FAM81A: variants seen among roughly 807,000 people sequenced by gnomAD.
FAM81A encodes the protein protein FAM81A.
Under a neutral mutation model 46.7 loss-of-function variants are expected in FAM81A, and 19 were observed. The ratio of observed to expected loss-of-function variants is 0.41; its 90% CI spans 0.28 to 0.60. The LOEUF (loss-of-function observed/expected upper bound fraction) is 0.60. FAM81A is among the 20% of genes least tolerant of loss of function. The probability of loss-of-function intolerance (pLI) is 0.34; values close to 1 mark genes in which losing one functional copy is unlikely to be tolerated. For synonymous variants in FAM81A, 183 were observed against 152.9 expected (o/e 1.20, Z -1.45); for missense variants, 377 against 453.5 (o/e 0.83, Z 1.53).
chr15:59,409,909 TACAGAAATTATTATTAAGGC>T (rs1430169770), intron 2 of FAM81A, among the ~76,000 whole-genome samples: 4 of 152,164 alleles, frequency 2.6e-5, no homozygotes, highest in Admixed American at 6.6e-5. Context: ...GTATTATTAG[TACAGAAATTATTATTAAGGC>T]ACAGAAATTA....
upstream of FAM81A, among the ~76,000 whole-genome samples, chr15:59,437,320 T>C (rs1323622814): frequency 6.6e-6 from 1 of 151,806 alleles, no homozygotes; most frequent in Non-Finnish European, 1.5e-5. Context: ...TACCAGTATC[T>C]GCGAAGGAGG....
At chr15:59,468,783 C>T (rs1334593093) in intron 3 of FAM81A, among the ~76,000 whole-genome samples, 2 of 152,118 alleles carry the variant, frequency 1.3e-5, no homozygotes, top group African/African-American at 4.8e-5. Flanking sequence ...TCTTGCTTCT[C>T]TAGTTCTTTT....
At chr15:59,515,047 C>T (rs1198971817) in intron 7 of FAM81A, among the ~76,000 whole-genome samples, 1 of 152,014 alleles carries the variant, frequency 6.6e-6, no homozygotes, top group African/African-American at 2.4e-5. Flanking sequence ...GAGTTCGAGA[C>T]CAGCCTGGGA....
At chr15:59,474,154 A>G (rs1184884101) in intron 3 of FAM81A, among the ~76,000 whole-genome samples, 5 of 152,176 alleles carry the variant, frequency 3.3e-5, no homozygotes, top group African/African-American at 1.2e-4. Flanking sequence ...ATTGAATAGG[A>G]CTAACATTGT....
chr15:59,430,743 T>C (rs1310708727), intron 2 of FAM81A, among the ~76,000 whole-genome samples: 1 of 152,198 alleles, frequency 6.6e-6, no homozygotes, highest in Non-Finnish European at 1.5e-5. Context: ...AGGAGCTGCA[T>C]GTACATTTGA....
intron 2 of FAM81A, among the ~76,000 whole-genome samples, chr15:59,418,916 G>C (rs1333731354): frequency 2.0e-5 from 3 of 152,286 alleles, no homozygotes; most frequent in Middle Eastern, 3.4e-3. Flanking sequence ...ATGATGACCA[G>C]TGTTAATATT....
intron 3 of FAM81A, among the ~76,000 whole-genome samples, chr15:59,477,119 C>CAA (rs75168770): frequency 4.7e-5 from 5 of 106,892 alleles, no homozygotes; most frequent in Non-Finnish European, 7.8e-5. Context: ...GACTCTGACT[C>CAA]AAAAAAAAAA....
chr15:59,474,279 A>G lies in FAM81A; in HGVS notation c.294+14073A>G, dbSNP rs1012130110. On this transcript the variant is annotated intron_variant, in intron 3 of 8. Transcript: ENST00000288228. ...GCTGTCATAGTATATTTGTGTTGCT[A>G]TAACAAAATACCTGAGATTGGGTAA... is the stretch of plus-strand genomic sequence containing the variant. Among the ~76,000 whole-genome samples, 8 of 152,216 alleles carry G rather than the reference A, an allele frequency of 5.3e-5. No individual in the cohort carries two copies. In the East Asian group the frequency reaches 5.8e-4, roughly 11 times the overall value.
At chr15:59,474,718 G>T (rs916346944) in intron 3 of FAM81A, among the ~76,000 whole-genome samples, 1 of 152,210 alleles carries the variant, frequency 6.6e-6, no homozygotes, top group Admixed American at 6.5e-5. Context: ...AAAAGGACTA[G>T]AAGAGACTAT....
chr15:59,417,732 TAAATAA>T (rs1348253614), intron 2 of FAM81A, among the ~76,000 whole-genome samples: 2 of 151,996 alleles, frequency 1.3e-5, no homozygotes, highest in Admixed American at 6.6e-5. Context: ...AATACATAAA[TAAATAA>T]AAATAAAAAG....
chr15:59,427,372 A>C (rs1462820383), intron 2 of FAM81A, among the ~76,000 whole-genome samples: 1 of 152,104 alleles, frequency 6.6e-6, no homozygotes, highest in Non-Finnish European at 1.5e-5. Flanking sequence ...CAGCCTCCCA[A>C]AGTGCTGGGA....
At chr15:59,463,690 CAATAAT>C in intron 3 of FAM81A, among the ~76,000 whole-genome samples, 1 of 151,340 alleles carries the variant, frequency 6.6e-6, no homozygotes, top group Admixed American at 6.6e-5. Context: ...CTAAAAATAA[CAATAAT>C]AATAATAATA....
At chr15:59,502,976 G>A (rs1451496126) in intron 4 of FAM81A, among the ~76,000 whole-genome samples, 1 of 151,960 alleles carries the variant, frequency 6.6e-6, no homozygotes, top group Non-Finnish European at 1.5e-5. Flanking sequence ...ATGAAGCCTG[G>A]CCAGGAGTGG....
chr15:59,512,171 T>C (rs1446955091), intron 6 of FAM81A, among the ~76,000 whole-genome samples: 1 of 152,066 alleles, frequency 6.6e-6, no homozygotes, highest in East Asian at 1.9e-4. Context: ...GTTCCATTTG[T>C]ATAAAATTTA....
chr15:59,469,541 T>G (rs1193338467), intron 3 of FAM81A, among the ~76,000 whole-genome samples: 6 of 150,774 alleles, frequency 4.0e-5, no homozygotes, highest in Non-Finnish European at 8.9e-5. Context: ...ACCCCTGCTT[T>G]TTTTTTTTTT....
chr15:59,497,874 T>A (rs547003440), intron 4 of FAM81A, among the ~76,000 whole-genome samples: 2 of 152,328 alleles, frequency 1.3e-5, no homozygotes, highest in African/African-American at 4.8e-5. Context: ...AAAATTTTTT[T>A]AGAAACATTG....
chr15:59,508,925 G>A lies in FAM81A; in HGVS notation c.606G>A (p.Met202Ile). ...SISEQSTKLK[M>I]SHRDSNHQLQ... is the part of the protein sequence containing the mutation. ...CAGAGCAGAGCACCAAACTGAAGAT[G>A]TCTCACAGAGACAGTAACCACCAGC... The change falls in exon 6 of 9, where the codon ATG (methionine) becomes ATA (isoleucine). Residue 202 changes from methionine to isoleucine, a missense_variant. By Grantham distance (10) the Met-to-Ile change is conservative. Transcript: ENST00000288228. 1 of 1,613,316 alleles carries A rather than the reference G, an allele frequency of 6.2e-7. No homozygotes were observed. The highest frequency in any genetic ancestry group is 2.2e-5 in the East Asian group (1 of 44,822).
intron 1 of FAM81A, among the ~76,000 whole-genome samples, chr15:59,456,589 G>A (rs558737069): frequency 2.6e-4 from 39 of 152,028 alleles, no homozygotes; most frequent in African/African-American, 9.2e-4. Context: ...TTGTTTGTTT[G>A]TATTTGAGAC....
intron 1 of FAM81A, among the ~76,000 whole-genome samples, chr15:59,399,652 G>A (rs746762914): frequency 2.0e-5 from 3 of 152,164 alleles, no homozygotes; most frequent in Non-Finnish European, 4.4e-5. Flanking sequence ...GTGCTGTGAT[G>A]GGGGAACTGA....
Sources: allele counts gnomAD v4.1 joint callset (sites outside exome capture counted in the v4.1 genomes callset), GRCh38; gene constraint gnomAD v4.1.1; transcripts MANE v1.5; gene names NCBI Gene and HGNC (gene_info 2026-07-23, HGNC 2026-07-21).